The following BAZ2B variants were observed in gnomAD, a reference collection of about 807,000 sequenced individuals.
The protein encoded by BAZ2B is bromodomain adjacent to zinc finger domain protein 2B.
BAZ2B carries 91 observed loss-of-function variants against 246.0 expected under a neutral mutation model. The observed-to-expected ratio is 0.37, with a 90% confidence interval of 0.31 to 0.44. The LOEUF (loss-of-function observed/expected upper bound fraction) is 0.44, where lower values mean the gene tolerates loss of function less well. BAZ2B is among the 20% of genes least tolerant of loss of function. The probability of loss-of-function intolerance (pLI) is 1.00; values close to 1 mark genes in which losing one functional copy is unlikely to be tolerated. For missense variants in BAZ2B, 2,332 were observed against 2,533.7 expected, an observed-to-expected ratio of 0.92 and a Z score of 1.71; for synonymous variants, 855 against 860.0, an observed-to-expected ratio of 0.99 and a Z score of 0.10.
chr2:159,625,092 C>A, the BAZ2B span, among the ~76,000 whole-genome samples: 1 of 151,582 alleles, frequency 6.6e-6, no homozygotes, highest in African/African-American at 2.4e-5. Flanking sequence ...GACTGAATAT[C>A]AACTTAATAA....
intron 6 of BAZ2B, 91 bp from the exon 7 acceptor site, chr2:159,439,303 T>C: frequency 2.7e-6 from 3 of 1,110,706 alleles, no homozygotes; most frequent in Non-Finnish European, 3.9e-6. Flanking sequence ...TTTCAAATGA[T>C]ATTTTCAATC....
At chr2:159,651,942 CATCT>C in the BAZ2B span, among the ~76,000 whole-genome samples, 2 of 152,190 alleles carry the variant, frequency 1.3e-5, no homozygotes, top group African/African-American at 4.8e-5. Context: ...TTTTTCCATT[CATCT>C]ATTAGTGAAT....
the BAZ2B span, among the ~76,000 whole-genome samples, chr2:159,649,464 G>A: frequency 7.4e-4 from 113 of 152,188 alleles, no homozygotes; most frequent in Middle Eastern, 0.027. Context: ...ATGAGTGTTG[G>A]GGAGTGGCTG....
intron 1 of BAZ2B, among the ~76,000 whole-genome samples, chr2:159,565,347 A>T (rs982574000): frequency 6.6e-6 from 1 of 152,218 alleles, no homozygotes; most frequent in Non-Finnish European, 1.5e-5. Context: ...CTATACCTAG[A>T]GGGGGAGTGG....
intron 8 of BAZ2B, among the ~76,000 whole-genome samples, chr2:159,436,022 C>G (rs944961425): frequency 6.6e-6 from 1 of 152,036 alleles, no homozygotes; most frequent in South Asian, 2.1e-4. Flanking sequence ...TTAGATGTAC[C>G]ATTTCAATGT....
chr2:159,669,012 T>C, the BAZ2B span, among the ~76,000 whole-genome samples: 1 of 151,936 alleles, frequency 6.6e-6, no homozygotes, highest in Non-Finnish European at 1.5e-5. Context: ...GCTGAGATCA[T>C]GCCACTTCAT....
At position 159,412,510 on chromosome 2, in the gene BAZ2B, G is replaced by A. The variant is rs753085457; in HGVS notation, c.2502C>T (p.Val834=). The change falls in exon 14 of 37, where the codon GTC becomes GTT. Residue 834 remains valine (V), a synonymous_variant. Coordinates refer to ENST00000392783, the MANE Select transcript of BAZ2B (RefSeq NM_013450.4). ...MQWCLLKEED[V]IPRIRAMEGR... is the part of the protein sequence containing the mutation. ...CTTCCATTGCCCTGATACGAGGAAT[G>A]ACATCCTCTTCTTTCAAAAGACACC... 1 of 1,613,970 alleles carries A rather than the reference G, an allele frequency of 6.2e-7. No homozygotes were observed. Among genetic ancestry groups the A allele is most frequent in the Non-Finnish European group, 8.5e-7 (1 of 1,179,924 alleles).
At chr2:159,654,330 G>A in the BAZ2B span, among the ~76,000 whole-genome samples, 1 of 152,126 alleles carries the variant, frequency 6.6e-6, no homozygotes, top group Non-Finnish European at 1.5e-5. Context: ...GCACAGGGTT[G>A]AAATATATAT....
At chr2:159,529,666 C>T (rs1361161043) in intron 2 of BAZ2B, among the ~76,000 whole-genome samples, 2 of 152,136 alleles carry the variant, frequency 1.3e-5, no homozygotes, top group Non-Finnish European at 2.9e-5. Context: ...GTGTTAGTTG[C>T]CATCTAATAT....
At chr2:159,440,517 GTT>G (rs34338793) in intron 6 of BAZ2B, among the ~76,000 whole-genome samples, 160 of 138,966 alleles carry the variant, frequency 1.2e-3, no homozygotes, top group South Asian at 3.9e-3. Context: ...AATGACTCTT[GTT>G]TTTTTTTTTT....
intron 23 of BAZ2B, 32 bp from the exon 24 acceptor site, chr2:159,383,712 A>G (rs752248433): frequency 2.7e-5 from 43 of 1,564,458 alleles, no homozygotes; most frequent in Non-Finnish European, 3.5e-5. Context: ...AAAAAGTGTA[A>G]ATTAATCAAT....
chr2:159,591,760 T>A (rs1689442795), intron 1 of BAZ2B, among the ~76,000 whole-genome samples: 1 of 152,190 alleles, frequency 6.6e-6, no homozygotes, highest in African/African-American at 2.4e-5. Context: ...TCCAGATTCA[T>A]TTTCCAGCAA....
chr2:159,594,922 C>T (rs1234862498), intron 1 of BAZ2B, among the ~76,000 whole-genome samples: 2 of 150,702 alleles, frequency 1.3e-5, no homozygotes, highest in Admixed American at 6.6e-5. Flanking sequence ...CCCAAGCCAC[C>T]GGGCATGGCC....
intron 2 of BAZ2B, among the ~76,000 whole-genome samples, chr2:159,499,234 G>A (rs1312724322): frequency 2.0e-5 from 3 of 152,128 alleles, no homozygotes; most frequent in Admixed American, 6.5e-5. Flanking sequence ...GTGTTCACAT[G>A]TTCTCATTAT....
intron 2 of BAZ2B, among the ~76,000 whole-genome samples, chr2:159,538,393 C>T (rs1226222347): frequency 2.0e-5 from 3 of 152,160 alleles, no homozygotes; most frequent in Non-Finnish European, 4.4e-5. Flanking sequence ...ATGTGGTACT[C>T]TGCATTTATT....
the BAZ2B span, among the ~76,000 whole-genome samples, chr2:159,625,504 G>T: frequency 6.6e-6 from 1 of 152,208 alleles, no homozygotes; most frequent in Admixed American, 6.5e-5. Flanking sequence ...CAAGCCAGAA[G>T]AGAGTGGGGG....
At chr2:159,318,155 T>G (rs966749066), downstream of BAZ2B, among the ~76,000 whole-genome samples, 1 of 151,838 alleles carries the variant, frequency 6.6e-6, no homozygotes, top group Non-Finnish European at 1.5e-5. Context: ...GCATATATAA[T>G]CTCTAAGGCA....
At chr2:159,509,085 G>A (rs571888332) in intron 2 of BAZ2B, among the ~76,000 whole-genome samples, 3 of 152,190 alleles carry the variant, frequency 2.0e-5, no homozygotes, top group Admixed American at 6.5e-5. Context: ...ATACTTGTAA[G>A]AGTGATCTCA....
chr2:159,353,161 C>A (rs1012717882), intron 27 of BAZ2B, among the ~76,000 whole-genome samples: 18 of 152,240 alleles, frequency 1.2e-4, no homozygotes, highest in Non-Finnish European at 1.0e-4. Context: ...TTTATCCAAC[C>A]AGTCCTTTAT....
Sources: allele counts gnomAD v4.1 joint callset (sites outside exome capture counted in the v4.1 genomes callset), GRCh38; gene constraint gnomAD v4.1.1; transcripts MANE v1.5; gene names NCBI Gene and HGNC (gene_info 2026-07-23, HGNC 2026-07-21).